The following NAALADL2 variants were observed in gnomAD, a reference collection of about 807,000 sequenced individuals.
NAALADL2 encodes the protein N-acetylated alpha-linked acidic dipeptidase like 2, also known as inactive N-acetylated-alpha-linked acidic dipeptidase-like protein 2.
NAALADL2 carries 76 observed loss-of-function variants against 87.2 expected under a neutral mutation model. That is an observed-to-expected ratio of 0.87 (90% confidence interval 0.72 to 1.05). NAALADL2 has a LOEUF of 1.05. NAALADL2 is among the 50% of genes least tolerant of loss of function. The pLI is 0.00. For missense variants in NAALADL2, 1,089 were observed against 945.8 expected (o/e 1.15, Z -1.99); for synonymous variants, 354 against 331.0 (o/e 1.07, Z -0.75).
intron 1 of NAALADL2, among the ~76,000 whole-genome samples, chr3:174,897,203 T>C (rs2109833386): frequency 6.6e-6 from 1 of 152,096 alleles, no homozygotes; most frequent in Non-Finnish European, 1.5e-5. Flanking sequence ...ACACAGCAAA[T>C]GATACAGTCA....
At chr3:174,991,488 T>C (rs1489979024) in intron 1 of NAALADL2, among the ~76,000 whole-genome samples, 1 of 152,100 alleles carries the variant, frequency 6.6e-6, no homozygotes, top group Non-Finnish European at 1.5e-5. Context: ...ATTTGATATA[T>C]GTTTTATTTA....
At chr3:175,305,416 G>A (rs1046651670) in intron 4 of NAALADL2, among the ~76,000 whole-genome samples, 2 of 152,056 alleles carry the variant, frequency 1.3e-5, no homozygotes, top group East Asian at 3.9e-4. Context: ...CATCTCTTGT[G>A]TAATGCTATT....
chr3:175,509,549 A>G (rs1001114675), intron 9 of NAALADL2, among the ~76,000 whole-genome samples: 1 of 152,236 alleles, frequency 6.6e-6, no homozygotes, highest in African/African-American at 2.4e-5. Flanking sequence ...CTATTGTAGT[A>G]ATGGTCACAT....
At position 175,559,983 on chromosome 3, in the gene NAALADL2, C is replaced by T. The variant is rs542449289; in HGVS notation, c.1654-16058C>T. Reference sequence around the variant, plus strand: ...AACTTGGAAATATTCCTTCCTACTTCATTTTTCAGAAAAGTTTGAGTAGCA... The same window carrying T: ...AACTTGGAAATATTCCTTCCTACTTTATTTTTCAGAAAAGTTTGAGTAGCA... On this transcript the variant is annotated intron_variant, in intron 9 of 13. Transcript: ENST00000454872. Among the ~76,000 whole-genome samples, 3 of 152,248 alleles carry T rather than the reference C, an allele frequency of 2.0e-5. No homozygotes were observed. The South Asian group carries it at 6.2e-4, about 32-fold the overall frequency.
In NAALADL2 at chr3:174,838,008, C is replaced by T. The variant is rs373675536; in HGVS notation, c.-9+100262C>T. 9.2e-4 allele frequency among the ~76,000 whole-genome samples: 78 copies of T among 84,340 alleles called. 1 individual carries two copies. The South Asian group carries it at 0.031, about 34-fold the overall frequency. 55.3% of individuals were successfully genotyped at this position (84,340 alleles called of 152,430 possible). A position where few individuals can be genotyped will look rare whatever the true frequency, so the allele number is the denominator to read the frequency against. On this transcript the variant is annotated intron_variant, in intron 3 of 3. Transcript: ENST00000434257. The stretch of plus-strand genomic sequence containing the variant: ...CCCTAATACCAAAACCAGGAAAGGA[C>T]ATAACCAAAAAAGAAAAAAAAAAAA...
Position 175,116,248 on chromosome 3 carries a change from G to T in NAALADL2, c.545+18957G>T, listed in dbSNP as rs568448192. Among the ~76,000 whole-genome samples, 3 of 152,100 alleles carry T rather than the reference G, an allele frequency of 2.0e-5. No homozygotes were observed. In the East Asian group the frequency reaches 5.8e-4, roughly 30 times the overall value. On this transcript the variant is annotated intron_variant, in intron 2 of 13. Coordinates refer to ENST00000454872, the MANE Select transcript of NAALADL2 (RefSeq NM_207015.3). Reference sequence around the variant, plus strand: ...TTCTGGCCAGGGCAATGAGGCAAGAGAAAGAAATAAAGGATATTCAATTAG... The same window carrying T: ...TTCTGGCCAGGGCAATGAGGCAAGATAAAGAAATAAAGGATATTCAATTAG...
intron 2 of NAALADL2, among the ~76,000 whole-genome samples, chr3:175,104,676 A>C (rs531977492): frequency 1.3e-5 from 2 of 152,180 alleles, no homozygotes; most frequent in African/African-American, 4.8e-5. Context: ...AATTAGAGAA[A>C]AACATGTAAA....
At chr3:174,487,251 G>T (rs1717912190) in intron 1 of NAALADL2, among the ~76,000 whole-genome samples, 1 of 152,010 alleles carries the variant, frequency 6.6e-6, no homozygotes, top group Non-Finnish European at 1.5e-5. Flanking sequence ...ATGAGCCAAA[G>T]CCAATTCTTT....
intron 1 of NAALADL2, among the ~76,000 whole-genome samples, chr3:174,929,485 C>A (rs549858055): frequency 6.6e-6 from 1 of 151,954 alleles, no homozygotes; most frequent in African/African-American, 2.4e-5. Flanking sequence ...AATTGTATGG[C>A]CTTAGAATCA....
intron 1 of NAALADL2, among the ~76,000 whole-genome samples, chr3:174,444,750 A>C (rs1003536327): frequency 6.6e-6 from 1 of 152,182 alleles, no homozygotes; most frequent in Non-Finnish European, 1.5e-5. Context: ...CAGTGTTGTC[A>C]CCAGTGGTCA....
intron 1 of NAALADL2, among the ~76,000 whole-genome samples, chr3:174,860,318 T>TA (rs149500287): frequency 4.6e-5 from 7 of 152,238 alleles, no homozygotes; most frequent in Non-Finnish European, 1.0e-4. Flanking sequence ...TATCTTTTTT[T>TA]ATCTCTGTAT....
chr3:174,799,295 T>G (rs994497620), intron 3 of NAALADL2, among the ~76,000 whole-genome samples: 1 of 152,192 alleles, frequency 6.6e-6, no homozygotes, highest in Non-Finnish European at 1.5e-5. Flanking sequence ...GGACATCTGA[T>G]ATGGTTTGGC....
intron 11 of NAALADL2, among the ~76,000 whole-genome samples, chr3:175,724,388 C>G (rs533480065): frequency 6.6e-6 from 1 of 152,064 alleles, no homozygotes; most frequent in Non-Finnish European, 1.5e-5. Context: ...TATTTACATA[C>G]ATGTATTTTT....
chr3:175,456,148 T>C (rs900927386), intron 6 of NAALADL2, among the ~76,000 whole-genome samples: 9 of 152,010 alleles, frequency 5.9e-5, no homozygotes, highest in African/African-American at 1.9e-4. Context: ...AAGAAGAAGA[T>C]TGGGAACCAA....
At chr3:175,549,069 T>A (rs537815786) in intron 9 of NAALADL2, among the ~76,000 whole-genome samples, 29 of 152,168 alleles carry the variant, frequency 1.9e-4, no homozygotes, top group African/African-American at 6.5e-4. Flanking sequence ...GTCATTAAAT[T>A]TTTTAAATTT....
At chr3:175,272,997 CA>C (rs1753077978) in intron 4 of NAALADL2, among the ~76,000 whole-genome samples, 1 of 151,894 alleles carries the variant, frequency 6.6e-6, no homozygotes, top group Non-Finnish European at 1.5e-5. Context: ...ATAAAAGGAA[CA>C]AAATCCGATT....
intron 3 of NAALADL2, among the ~76,000 whole-genome samples, chr3:174,810,931 G>C (rs9847163): frequency 6.6e-6 from 1 of 152,142 alleles, no homozygotes; most frequent in Non-Finnish European, 1.5e-5. Context: ...TTAGGCCACT[G>C]CTCCCTGCAT....
At chr3:175,688,289 C>T (rs1191945530) in intron 11 of NAALADL2, among the ~76,000 whole-genome samples, 1 of 151,974 alleles carries the variant, frequency 6.6e-6, no homozygotes, top group Non-Finnish European at 1.5e-5. Flanking sequence ...ATTATGTTTT[C>T]TATGAGAAAT....
intron 1 of NAALADL2, among the ~76,000 whole-genome samples, chr3:174,470,017 G>A (rs1377995848): frequency 6.6e-6 from 1 of 151,714 alleles, no homozygotes; most frequent in Non-Finnish European, 1.5e-5. Context: ...ACTTAACACC[G>A]AAAAATTAAA....
Sources: allele counts gnomAD v4.1 joint callset (sites outside exome capture counted in the v4.1 genomes callset), GRCh38; gene constraint gnomAD v4.1.1; transcripts MANE v1.5; gene names NCBI Gene and HGNC (gene_info 2026-07-23, HGNC 2026-07-21).